SDHAF2: variants seen among roughly 807,000 people sequenced by gnomAD.
SDHAF2 encodes the protein succinate dehydrogenase assembly factor 2, mitochondrial.
In SDHAF2, 21 loss-of-function variants were observed where a neutral mutation model predicts 18.5. That is an observed-to-expected ratio of 1.13 (90% CI 0.80 to 1.63). SDHAF2 has a LOEUF of 1.63. Ranked by LOEUF, SDHAF2 falls within the 40% of genes most tolerant of loss-of-function variation. The probability of loss-of-function intolerance (pLI) is 0.00; values close to 1 mark genes in which losing one functional copy is unlikely to be tolerated. For synonymous variants in SDHAF2, 84 were observed against 70.7 expected (o/e 1.19, Z -0.94); for missense variants, 195 against 200.3 (o/e 0.97, Z 0.16).
intron 1 of SDHAF2, chr11:61,434,703 G>A (rs967350241): frequency 6.9e-6 from 1 of 144,394 alleles, no homozygotes; most frequent in African/African-American, 2.6e-5. Flanking sequence ...TTTCTCTAGT[G>A]AATTTTTTAA....
chr11:61,437,076 G>A (rs1039220414), intron 1 of SDHAF2: 11 of 1,148,250 alleles, frequency 9.6e-6, no homozygotes, highest in Non-Finnish European at 1.1e-5. Context: ...CACATTTGCA[G>A]TTAGGACTGT....
At chr11:61,437,485 C>T (rs760771007) in intron 1 of SDHAF2, 140 bp from the exon 2 acceptor site, 93 of 807,414 alleles carry the variant, frequency 1.2e-4, no homozygotes, top group Non-Finnish European at 1.7e-4. Context: ...TACAGGTGTG[C>T]GCCACCACGC....
chr11:61,431,119 G>A (rs1590761182), intron 1 of SDHAF2: 1 of 152,224 alleles, frequency 6.6e-6, no homozygotes. Context: ...CCACCTACCG[G>A]GTTCAAGCGA....
rs1254052531 is a variant in SDHAF2 at position 61,430,169 on chromosome 11, C to T, written c.23C>T (p.Ser8Leu). The change falls in exon 1 of 4, where the codon TCG becomes TTG. Residue 8 changes from serine (S) to leucine (L), a missense_variant. Transcript: ENST00000301761. Reference protein sequence around the residue: MAVSTVFSTSSLMLALSR... With the variant: MAVSTVFLTSSLMLALSR... Reference sequence around the variant, plus strand: ...AAAATGGCGGTGTCTACAGTGTTCTCGACTTCGTCGCTGGTGAGGAGAGAG... The same window carrying T: ...AAAATGGCGGTGTCTACAGTGTTCTTGACTTCGTCGCTGGTGAGGAGAGAG... The T allele has an allele frequency of 6.2e-7, 1 of 1,614,192 alleles. No homozygotes were observed. The highest frequency in any genetic ancestry group is 8.5e-7 in the Non-Finnish European group (1 of 1,180,020).
chr11:61,437,991 T>G lies in SDHAF2; in HGVS notation c.261-13T>G, dbSNP rs1212394178. Reference sequence around the variant, plus strand: ...TCTCAACCTCTTTTTCTTTTTTTCTTTCTTGTTTTTAGTCTTTTTGCTAAA... The same window carrying G: ...TCTCAACCTCTTTTTCTTTTTTTCTGTCTTGTTTTTAGTCTTTTTGCTAAA... On this transcript the variant is annotated splice_polypyrimidine_tract_variant and intron_variant, in intron 2 of 3. Transcript: ENST00000301761. 6.2e-7 allele frequency: 1 copy of G among 1,612,970 alleles called. No individual in the cohort carries two copies. The highest frequency in any genetic ancestry group is 8.5e-7 in the Non-Finnish European group (1 of 1,179,028).
At chr11:61,436,924 G>A in intron 1 of SDHAF2, 1 of 1,284,196 alleles carries the variant, frequency 7.8e-7, no homozygotes, top group Non-Finnish European at 1.0e-6. Context: ...GGGGATTAGG[G>A]ATCATGCTGT....
In SDHAF2 at chr11:61,446,067, G is replaced by T. The variant is rs768048172; in HGVS notation, c.497G>T (p.Arg166Leu). ...PDLEYLFEKP[R>L] ...CTTGAGTACCTCTTTGAAAAGCCAC[G>T]TTGAGCTGTGCTCCACGGCCTGGCA... The change falls in exon 4 of 4, where the codon CGT becomes CTT. Residue 166 changes from arginine (R) to leucine (L), a missense_variant. Coordinates refer to ENST00000301761, the MANE Select transcript of SDHAF2 (RefSeq NM_017841.4). The T allele has an allele frequency of 1.2e-6, 2 of 1,614,180 alleles. No individual in the cohort carries two copies. The highest frequency in any genetic ancestry group is 1.7e-6 in the Non-Finnish European group (2 of 1,180,042).
At chr11:61,434,644 C>T in intron 1 of SDHAF2, 1 of 132,574 alleles carries the variant, frequency 7.5e-6, no homozygotes, top group Non-Finnish European at 1.6e-5. Flanking sequence ...AATGACCAGT[C>T]TTTGAGTTTG....
rs112750991 is a variant in SDHAF2 at position 61,446,147 on chromosome 11, C to T, written c.*76C>T. On this transcript the variant is annotated 3_prime_UTR_variant, in exon 4 of 4. Coordinates refer to ENST00000301761, the MANE Select transcript of SDHAF2 (RefSeq NM_017841.4). ...TTATGATGGACGTTAGCCTTGCTTC[C>T]GGCTTCTTAGATGCCCAGCTGCCCT... 1.9e-3 allele frequency: 3,003 copies of T among 1,577,010 alleles called. 3 individuals are homozygous for T. The highest frequency in any genetic ancestry group is 2.4e-3 in the Non-Finnish European group (2,789 of 1,150,200).
At chr11:61,441,327 T>A (rs1862062877) in intron 3 of SDHAF2, among the ~76,000 whole-genome samples, 1 of 151,804 alleles carries the variant, frequency 6.6e-6, no homozygotes, top group Admixed American at 6.6e-5. Flanking sequence ...GGTCAGGAGA[T>A]TGAGACCATC....
rs145296186 is a variant in SDHAF2 at position 61,442,536 on chromosome 11, A to G, written c.371-3405A>G. Among the ~76,000 whole-genome samples, 1,015 of 152,184 alleles carry G rather than the reference A, an allele frequency of 6.7e-3. 10 individuals are homozygous for G. Among genetic ancestry groups the G allele is most frequent in the African/African-American group, 0.023 (952 of 41,512 alleles). ...TTCAATATTATATACATAGGTATTT[A>G]TTTGATATTTATATATGTAGGCATT... On this transcript the variant is annotated intron_variant, in intron 3 of 3. Transcript: ENST00000301761.
intron 3 of SDHAF2, among the ~76,000 whole-genome samples, chr11:61,441,739 C>G (rs1434772348): frequency 6.6e-6 from 1 of 152,114 alleles, no homozygotes; most frequent in African/African-American, 2.4e-5. Context: ...TTTAGCCATT[C>G]CAAGAAGTAT....
intron 1 of SDHAF2, chr11:61,436,907 G>A (rs1485541449): frequency 2.3e-6 from 3 of 1,287,436 alleles, no homozygotes; most frequent in Non-Finnish European, 3.0e-6. Context: ...TGGATTGGGA[G>A]CCTTTGGGGG....
At chr11:61,440,176 G>A (rs1320413571) in intron 3 of SDHAF2, among the ~76,000 whole-genome samples, 1 of 152,074 alleles carries the variant, frequency 6.6e-6, no homozygotes, top group African/African-American at 2.4e-5. Flanking sequence ...TTAGCCGCGT[G>A]TGGTGGTGCG....
chr11:61,441,000 G>T (rs746735824), intron 3 of SDHAF2, among the ~76,000 whole-genome samples: 3 of 151,790 alleles, frequency 2.0e-5, no homozygotes, highest in Non-Finnish European at 4.4e-5. Context: ...CAGGAGTTTG[G>T]GACCAGCCTG....
At chr11:61,434,789 G>A (rs1861975188) in intron 1 of SDHAF2, 1 of 147,074 alleles carries the variant, frequency 6.8e-6, no homozygotes, top group Non-Finnish European at 1.5e-5. Context: ...GAGTGCAGTG[G>A]CACGATCTCA....
In SDHAF2 at chr11:61,430,150, G is replaced by A; in HGVS notation, c.4G>A (p.Ala2Thr). Residue 2 changes from alanine to threonine, a missense_variant, in exon 1 of 4, where the codon GCG becomes ACG. Coordinates refer to ENST00000301761, the MANE Select transcript of SDHAF2 (RefSeq NM_017841.4). MAVSTVFSTSSL... is the reference protein window; with the variant it reads MTVSTVFSTSSL... ...GTTTCCGGTGCAGGTGGGGAAAATG[G>A]CGGTGTCTACAGTGTTCTCGACTTC... 1 of 1,614,240 alleles carries A rather than the reference G, an allele frequency of 6.2e-7. No homozygotes were observed. The highest frequency in any genetic ancestry group is 8.5e-7 in the Non-Finnish European group (1 of 1,180,030).
At chr11:61,438,866 G>A (rs1410490509) in intron 3 of SDHAF2, among the ~76,000 whole-genome samples, 2 of 151,962 alleles carry the variant, frequency 1.3e-5, no homozygotes, top group Non-Finnish European at 2.9e-5. Flanking sequence ...CCAACACAGC[G>A]AAACCTCATC....
At chr11:61,437,564 G>A in intron 1 of SDHAF2, 61 bp from the exon 2 acceptor site, 2 of 1,390,984 alleles carry the variant, frequency 1.4e-6, no homozygotes, top group Admixed American at 1.7e-5. Flanking sequence ...TAAGCATTGA[G>A]TAAATGATAG....
Sources: allele counts gnomAD v4.1 joint callset (sites outside exome capture counted in the v4.1 genomes callset), GRCh38; gene constraint gnomAD v4.1.1; transcripts MANE v1.5; gene names NCBI Gene and HGNC (gene_info 2026-07-23, HGNC 2026-07-21).